The following SPSB1 variants were observed in gnomAD, a reference collection of about 807,000 sequenced individuals.
The protein encoded by SPSB1 is SPRY domain-containing SOCS box protein 1.
SPSB1 carries 8 observed loss-of-function variants against 21.2 expected under a neutral mutation model. The observed-to-expected ratio is 0.38, with a 90% confidence interval of 0.22 to 0.68. The LOEUF (loss-of-function observed/expected upper bound fraction) is 0.68, where lower values mean the gene tolerates loss of function less well. Ranked by LOEUF, SPSB1 falls within the 30% of genes least tolerant of loss-of-function variation. SPSB1 has a pLI of 0.53. For synonymous variants in SPSB1, 169 were observed against 161.7 expected (o/e 1.05, Z -0.34); for missense variants, 242 against 377.8 (o/e 0.64, Z 2.98).
At chr1:9,365,086 C>A (rs1263470616) in intron 2 of SPSB1, among the ~76,000 whole-genome samples, 1 of 152,128 alleles carries the variant, frequency 6.6e-6, no homozygotes, top group Non-Finnish European at 1.5e-5. Context: ...TGAACTCCTG[C>A]CCTCAGGTAA....
rs553515515 is a variant in SPSB1 at position 9,348,852 on chromosome 1, C to T, written c.-149-6891C>T. On this transcript the variant is annotated intron_variant, in intron 1 of 2. Coordinates refer to ENST00000328089, the MANE Select transcript of SPSB1 (RefSeq NM_025106.4). The surrounding 1 kb of genome is among the most constrained non-coding windows in gnomAD (Gnocchi z 4.8). ...GGGTGTTTGGAACCCCAACCCACCC[C>T]GTCCCATGGCTGCTCTGGAAACACT... is the stretch of plus-strand genomic sequence containing the variant. Among the ~76,000 whole-genome samples the T allele has an allele frequency of 1.1e-4, 17 of 152,088 alleles. No homozygotes were observed. The highest frequency in any genetic ancestry group is 3.9e-4 in the African/African-American group (16 of 41,480).
At chr1:9,362,095 T>C (rs1437712338) in intron 2 of SPSB1, among the ~76,000 whole-genome samples, 1 of 152,168 alleles carries the variant, frequency 6.6e-6, no homozygotes, top group Non-Finnish European at 1.5e-5. Context: ...TCCTCCCGGG[T>C]GCCTCCTTCC....
Position 9,292,899 on chromosome 1 carries a change from G to C in SPSB1, c.-322G>C. 3.1e-6 allele frequency: 3 copies of C among 981,838 alleles called. No homozygotes were observed. The highest frequency in any genetic ancestry group is 2.4e-6 in the Non-Finnish European group (2 of 829,046). 60.8% of individuals were successfully genotyped at this position (981,838 alleles called of 1,614,324 possible). A position where few individuals can be genotyped will look rare whatever the true frequency, so the allele number is the denominator to read the frequency against. On this transcript the variant is annotated 5_prime_UTR_variant, in exon 1 of 3. Transcript: ENST00000328089. ...TCGGTTGCTTTTTCTCCTCCGCACA[G>C]AAGTCGCGCTCGGGCAGCCTGCGCG...
At chr1:9,344,333 C>T (rs1229813755) in intron 1 of SPSB1, among the ~76,000 whole-genome samples, 1 of 152,200 alleles carries the variant, frequency 6.6e-6, no homozygotes, top group Admixed American at 6.5e-5. Context: ...ACTGATGTTG[C>T]TGGTTGGGAC....
chr1:9,355,841 A>G lies in SPSB1; in HGVS notation c.-51A>G. 1 of 1,517,594 alleles carries G rather than the reference A, an allele frequency of 6.6e-7. No individual in the cohort carries two copies. The highest frequency in any genetic ancestry group is 8.8e-7 in the Non-Finnish European group (1 of 1,132,788). 94.0% of individuals were successfully genotyped at this position (1,517,594 alleles called of 1,614,324 possible). A position where few individuals can be genotyped will look rare whatever the true frequency, so the allele number is the denominator to read the frequency against. ...AGAATACTGGAGACGAGACCACGAGATTGATGAGTTTGCCTTGGGAGTCGG... is the reference window on the plus strand; with the variant it reads ...AGAATACTGGAGACGAGACCACGAGGTTGATGAGTTTGCCTTGGGAGTCGG... On this transcript the variant is annotated 5_prime_UTR_variant, in exon 2 of 3. Transcript: ENST00000328089.
At chr1:9,313,125 G>A (rs576660099) in intron 1 of SPSB1, among the ~76,000 whole-genome samples, 4 of 152,310 alleles carry the variant, frequency 2.6e-5, no homozygotes, top group African/African-American at 4.8e-5. Flanking sequence ...GTCCGGGCGC[G>A]GTGGCTCATG....
rs1640361000 is a variant in SPSB1, at chr1:9,356,248, G to A, written c.357G>A (p.Thr119=). Residue 119 remains threonine (T), a synonymous_variant, in exon 2 of 3, where the codon ACG becomes ACA. Transcript: ENST00000328089. This position sits in a 1 kb window ranked among gnomAD's most constrained non-coding sequence, Gnocchi z 7.4. The part of the protein sequence containing the change: ...RGTHAVVGVA[T]ADAPLHSVGY... Reference sequence around the variant, plus strand: ...CACACGCCGTGGTGGGGGTGGCGACGGCAGACGCCCCCCTGCACTCTGTCG... The same window carrying A: ...CACACGCCGTGGTGGGGGTGGCGACAGCAGACGCCCCCCTGCACTCTGTCG... 5.0e-6 allele frequency: 8 copies of A among 1,608,198 alleles called. No homozygotes were observed. In the Admixed American group the frequency reaches 5.0e-5, roughly 10 times the overall value.
chr1:9,334,943 T>C (rs994017386), intron 1 of SPSB1, among the ~76,000 whole-genome samples: 8 of 152,252 alleles, frequency 5.3e-5, no homozygotes, highest in Non-Finnish European at 1.0e-4. Context: ...TTTGTTCATC[T>C]GTCCGTGGAC....
At chr1:9,351,941 G>A (rs937751072) in intron 1 of SPSB1, among the ~76,000 whole-genome samples, 4 of 152,176 alleles carry the variant, frequency 2.6e-5, no homozygotes, top group Admixed American at 6.5e-5. Context: ...ACCCCACAGT[G>A]CTGCAGGCCC....
At chr1:9,307,891 C>A (rs553787823) in intron 1 of SPSB1, among the ~76,000 whole-genome samples, 1 of 152,278 alleles carries the variant, frequency 6.6e-6, no homozygotes, top group South Asian at 2.1e-4. Context: ...CCCAGGCTTA[C>A]CCTGTGCCAC....
At chr1:9,325,810 C>A (rs1225811693) in intron 1 of SPSB1, among the ~76,000 whole-genome samples, 1 of 152,180 alleles carries the variant, frequency 6.6e-6, no homozygotes, top group Non-Finnish European at 1.5e-5. Context: ...GACGTGGTGA[C>A]CTCAGAGCAG....
intron 1 of SPSB1, among the ~76,000 whole-genome samples, chr1:9,336,602 T>C (rs2100497260): frequency 6.6e-6 from 1 of 152,228 alleles, no homozygotes; most frequent in Admixed American, 6.5e-5. Context: ...CCCGCGTGCG[T>C]TCAAGGAAGA....
At chr1:9,302,906 G>A (rs115657883) in intron 1 of SPSB1, among the ~76,000 whole-genome samples, 18 of 152,296 alleles carry the variant, frequency 1.2e-4, no homozygotes, top group Non-Finnish European at 2.5e-4. Flanking sequence ...ACCCGCTAGC[G>A]AAATTGTTGC....
chr1:9,361,546 C>T (rs970130550), intron 2 of SPSB1, among the ~76,000 whole-genome samples: 8 of 152,204 alleles, frequency 5.3e-5, no homozygotes, highest in African/African-American at 1.9e-4. Flanking sequence ...CAGGCAGAAC[C>T]CCCCCGCAGC....
chr1:9,351,017 TA>T (rs1640246910), intron 1 of SPSB1, among the ~76,000 whole-genome samples: 2 of 152,326 alleles, frequency 1.3e-5, no homozygotes, highest in South Asian at 4.1e-4. Context: ...CTGTGGGTGG[TA>T]CACACCCCCT....
chr1:9,294,166 CTGAG>C (rs1639169525), intron 1 of SPSB1, among the ~76,000 whole-genome samples: 2 of 143,762 alleles, frequency 1.4e-5, no homozygotes, highest in South Asian at 2.4e-4. Flanking sequence ...GTTTGTGTCT[CTGAG>C]TGTCTGTCTC....
intron 1 of SPSB1, among the ~76,000 whole-genome samples, chr1:9,314,196 A>G (rs983180841): frequency 2.0e-5 from 3 of 149,166 alleles, no homozygotes; most frequent in Admixed American, 2.0e-4. Flanking sequence ...AACAAAAAAC[A>G]AAAAAAACAG....
At chr1:9,359,849 G>GGC (rs1553128812) in intron 2 of SPSB1, among the ~76,000 whole-genome samples, 55 of 151,254 alleles carry the variant, frequency 3.6e-4, no homozygotes, top group Middle Eastern at 3.4e-3. Flanking sequence ...ATGGAAGCCG[G>GGC]GGGGGTGGGT....
chr1:9,357,208 G>A (rs1640384462), intron 2 of SPSB1, among the ~76,000 whole-genome samples: 1 of 147,602 alleles, frequency 6.8e-6, no homozygotes, highest in South Asian at 2.3e-4. Context: ...TGGGTGGATG[G>A]ATCAGTGAAT....
Sources: gnomAD v4.1 joint callset for allele counts (sites outside exome capture counted in the v4.1 genomes callset) on GRCh38, gnomAD v4.1.1 for gene constraint, Gnocchi (gnomAD v3.1) non-coding constraint, MANE v1.5 for transcripts, NCBI Gene and HGNC (gene_info 2026-07-23, HGNC 2026-07-21) for gene names.